PKD1L3: variants seen among roughly 807,000 people sequenced by gnomAD.
PKD1L3 encodes polycystin 1 like 3, transient receptor potential channel interacting.
Under a neutral mutation model 184.1 loss-of-function variants are expected in PKD1L3, and 239 were observed. That is an observed-to-expected ratio of 1.30 (90% CI 1.17 to 1.45). PKD1L3 has a LOEUF of 1.45. Among genes scored for constraint, PKD1L3 ranks in the 40% most tolerant of loss-of-function variants. The pLI is 0.00. For missense variants in PKD1L3, 2,660 were observed against 2,067.2 expected, an observed-to-expected ratio of 1.29 and a Z score of -5.56; for synonymous variants, 996 against 778.8, an observed-to-expected ratio of 1.28 and a Z score of -4.64.
chr16:71,936,519 CTTTTTT>C (rs397785025), intron 25 of PKD1L3, among the ~76,000 whole-genome samples: 2 of 123,544 alleles, frequency 1.6e-5, no homozygotes, highest in Non-Finnish European at 3.3e-5. Flanking sequence ...TTTTTTTTTT[CTTTTTT>C]TTTTTTTTTT....
Position 71,950,262 on chromosome 16 carries a change from A to G in PKD1L3, c.3239T>C (p.Leu1080Pro). The change falls in exon 20 of 30, where the codon CTG becomes CCG. Residue 1080 changes from leucine (L) to proline (P), a missense_variant. Leu to Pro is a moderately conservative substitution (Grantham distance 98, BLOSUM62 -3). Coordinates refer to ENST00000620267, the MANE Select transcript of PKD1L3 (RefSeq NM_181536.2). Reference sequence around the variant, plus strand: ...GCCTAAGTGAGATTTCAGCCTCTGCAGAACTCTATGCAGGTAACAGCAGAA... The same window carrying G: ...GCCTAAGTGAGATTTCAGCCTCTGCGGAACTCTATGCAGGTAACAGCAGAA... ...HHFCCYLHRV[L>P]QRLKSHLGTL... 1.3e-6 allele frequency: 2 copies of G among 1,551,604 alleles called. No homozygotes were observed. The highest frequency in any genetic ancestry group is 1.7e-6 in the Non-Finnish European group (2 of 1,146,820).
intron 24 of PKD1L3, among the ~76,000 whole-genome samples, chr16:71,938,107 C>T (rs1175640032): frequency 1.3e-5 from 2 of 152,164 alleles, no homozygotes; most frequent in African/African-American, 4.8e-5. Context: ...GCCACAGCTG[C>T]AGACCTGGGC....
At chr16:71,939,324 C>T (rs1271662489) in intron 24 of PKD1L3, among the ~76,000 whole-genome samples, 4 of 152,164 alleles carry the variant, frequency 2.6e-5, no homozygotes, top group African/African-American at 9.7e-5. Flanking sequence ...GGGATCCAGG[C>T]CAGTAGCAGG....
Position 71,982,073 on chromosome 16 carries a change from G to A in PKD1L3, c.1129C>T (p.Arg377Cys), listed in dbSNP as rs1205092662. ...AGEGSWLESK[R>C]HTEPVEDILE... ...CTGGCACCTACCGGCTCAGTATGAC[G>A]CTTGGATTCCAGCCAACTTCCTTCT... is the stretch of plus-strand genomic sequence containing the variant. Residue 377 changes from arginine to cysteine, a missense_variant, in exon 7 of 30, where the codon CGT becomes TGT. By Grantham distance (180) the Arg-to-Cys change is radical (BLOSUM62 -3). Coordinates refer to ENST00000620267, the MANE Select transcript of PKD1L3 (RefSeq NM_181536.2). 7.1e-6 allele frequency: 11 copies of A among 1,548,234 alleles called. No individual in the cohort carries two copies. Among genetic ancestry groups the A allele is most frequent in the African/African-American group, 2.7e-5 (2 of 72,792 alleles).
chr16:71,980,267 C>A (rs2040098582), intron 7 of PKD1L3, 133 bp from the exon 8 acceptor site: 4 of 1,217,026 alleles, frequency 3.3e-6, no homozygotes, highest in Admixed American at 5.6e-5. Flanking sequence ...TTAGAGAGGA[C>A]CTTGGAATCT....
At chr16:71,980,324 C>T (rs1314784586) in intron 7 of PKD1L3, among the ~76,000 whole-genome samples, 190 bp from the exon 8 acceptor site, 1 of 152,138 alleles carries the variant, frequency 6.6e-6, no homozygotes, top group Non-Finnish European at 1.5e-5. Flanking sequence ...ATCCTTTGAA[C>T]CAAACTAAGA....
chr16:71,994,517 T>C (rs2040711172), intron 2 of PKD1L3, among the ~76,000 whole-genome samples: 1 of 152,162 alleles, frequency 6.6e-6, no homozygotes, highest in Non-Finnish European at 1.5e-5. Context: ...GTAGCTCAGA[T>C]TAAGTACATC....
chr16:71,981,503 G>T (rs923315407), intron 7 of PKD1L3, among the ~76,000 whole-genome samples: 1 of 145,430 alleles, frequency 6.9e-6, no homozygotes, highest in Non-Finnish European at 1.5e-5. Context: ...AACCTGTTGA[G>T]TGTTTGCTTT....
At chr16:71,952,798 A>T in intron 18 of PKD1L3, 96 bp downstream of exon 18, 1 of 1,293,792 alleles carries the variant, frequency 7.7e-7, no homozygotes, top group Non-Finnish European at 1.0e-6. Flanking sequence ...AGGTTGCACC[A>T]CTACACTCCA....
At chr16:71,947,741 C>T in intron 21 of PKD1L3, 150 bp from the exon 22 acceptor site, 1 of 596,472 alleles carries the variant, frequency 1.7e-6, no homozygotes, top group Non-Finnish European at 3.0e-6. Flanking sequence ...TTAATTTTTG[C>T]ACAATGATGG....
intron 2 of PKD1L3, among the ~76,000 whole-genome samples, chr16:71,995,002 AGTTG>A (rs1372221293): frequency 6.6e-6 from 1 of 152,088 alleles, no homozygotes; most frequent in Non-Finnish European, 1.5e-5. Flanking sequence ...AAAAAAAAAC[AGTTG>A]ACTTAAATTT....
In PKD1L3 at chr16:71,993,337, T is replaced by C; in HGVS notation, c.419-5A>G. The C allele has an allele frequency of 1.3e-6, 2 of 1,523,378 alleles. No homozygotes were observed. The highest frequency in any genetic ancestry group is 1.8e-6 in the Non-Finnish European group (2 of 1,125,016). 94.4% of individuals were successfully genotyped at this position (1,523,378 alleles called of 1,614,324 possible). A position where few individuals can be genotyped will look rare whatever the true frequency, so the allele number is the denominator to read the frequency against. ...CATCTCCGTCCAAAAAGTCACCTAT[T>C]TGAAAGCCAACACACAAGTTAATTT... On this transcript the variant is annotated splice_region_variant and splice_polypyrimidine_tract_variant and intron_variant, in intron 2 of 29. Coordinates refer to ENST00000620267, the MANE Select transcript of PKD1L3 (RefSeq NM_181536.2).
At chr16:71,968,108 T>A in intron 13 of PKD1L3, 101 bp from the exon 14 acceptor site, 1 of 904,168 alleles carries the variant, frequency 1.1e-6, no homozygotes, top group Non-Finnish European at 1.7e-6. Context: ...GGCAGGTGTC[T>A]GGCAGCCCTG....
rs1422269948 is a variant in PKD1L3 at position 71,935,324 on chromosome 16, AGG to A, written c.4613+32_4613+33del. On this transcript the variant is annotated intron_variant, in intron 26 of 29. Transcript: ENST00000620267. ...AAACAGGAAACTTTAGACATGAGGT[AGG>A]AATATGCTGTGCCCCTCAGGCTTCC... The A allele has an allele frequency of 2.6e-6, 4 of 1,532,678 alleles. No homozygotes were observed. In the African/African-American group the frequency reaches 5.5e-5, roughly 21 times the overall value. The allele number at this position is 1,532,678 out of a possible 1,614,324, so 94.9% of individuals were successfully genotyped here. A position where few individuals can be genotyped will look rare whatever the true frequency, so the allele number is the denominator to read the frequency against.
At chr16:71,933,152 C>T (rs1040429972) in intron 28 of PKD1L3, among the ~76,000 whole-genome samples, 3 of 152,130 alleles carry the variant, frequency 2.0e-5, no homozygotes, top group East Asian at 1.9e-4. Flanking sequence ...GCACAAGCTT[C>T]GGCTCAGTGT....
At chr16:71,982,996 GAA>G (rs923983669) in intron 6 of PKD1L3, among the ~76,000 whole-genome samples, 1 of 152,158 alleles carries the variant, frequency 6.6e-6, no homozygotes, top group Admixed American at 6.5e-5. Flanking sequence ...CAGGGAAGGA[GAA>G]TATATTATTT....
Position 71,969,883 on chromosome 16 carries a change from T to C in PKD1L3, c.2176A>G (p.Met726Val). The change falls in exon 13 of 30, where the codon ATG becomes GTG. Residue 726 changes from methionine (M) to valine (V), a missense_variant. By Grantham distance (21) the Met-to-Val change is conservative. Transcript: ENST00000620267. ...AATCAAAGTCTCATTACCTTCTGCATATCTGCTTGATCCTTTTTCCGAGCC... is the reference window on the plus strand; with the variant it reads ...AATCAAAGTCTCATTACCTTCTGCACATCTGCTTGATCCTTTTTCCGAGCC... ...VWARKKDQAD[M>V]QKVKVTVLAD... The C allele has an allele frequency of 6.5e-7, 1 of 1,548,146 alleles. No homozygotes were observed. The highest frequency in any genetic ancestry group is 8.7e-7 in the Non-Finnish European group (1 of 1,143,660).
chr16:71,982,072 C>A lies in PKD1L3; in HGVS notation c.1130G>T (p.Arg377Leu). The A allele has an allele frequency of 1.3e-6, 2 of 1,547,598 alleles. No individual in the cohort carries two copies. Among genetic ancestry groups the A allele is most frequent in the Non-Finnish European group, 1.7e-6 (2 of 1,145,206 alleles). Residue 377 changes from arginine to leucine, a missense_variant, in exon 7 of 30, where the codon CGT becomes CTT. Coordinates refer to ENST00000620267, the MANE Select transcript of PKD1L3 (RefSeq NM_181536.2). ...AGEGSWLESKRHTEPVEDILE... is the reference protein window; with the variant it reads ...AGEGSWLESKLHTEPVEDILE... ...TCTGGCACCTACCGGCTCAGTATGACGCTTGGATTCCAGCCAACTTCCTTC... is the reference window on the plus strand; with the variant it reads ...TCTGGCACCTACCGGCTCAGTATGAAGCTTGGATTCCAGCCAACTTCCTTC...
chr16:71,974,272 G>A (rs1193809533), intron 11 of PKD1L3, among the ~76,000 whole-genome samples: 1 of 152,162 alleles, frequency 6.6e-6, no homozygotes, highest in Non-Finnish European at 1.5e-5. Flanking sequence ...GAGTCATCCA[G>A]TCTCTCTGGG....
Sources: allele counts gnomAD v4.1 joint callset (sites outside exome capture counted in the v4.1 genomes callset), GRCh38; gene constraint gnomAD v4.1.1; transcripts MANE v1.5; gene names NCBI Gene and HGNC (gene_info 2026-07-23, HGNC 2026-07-21).